The following COL5A2 variants were observed in gnomAD, a reference collection of about 807,000 sequenced individuals.
COL5A2 encodes collagen alpha-2(V) chain.
In COL5A2, 23 loss-of-function variants were observed where a neutral mutation model predicts 208.2. The observed-to-expected ratio is 0.11, with a 90% confidence interval of 0.08 to 0.16. The LOEUF (loss-of-function observed/expected upper bound fraction) is 0.16. Among genes scored for constraint, COL5A2 ranks in the 10% least tolerant of loss-of-function variants. The probability of loss-of-function intolerance (pLI) is 1.00; values close to 1 mark genes in which losing one functional copy is unlikely to be tolerated. For synonymous variants in COL5A2, 625 were observed against 628.5 expected (o/e 0.99, Z 0.08); for missense variants, 1,590 against 1,956.4 (o/e 0.81, Z 3.53).
Position 189,068,398 on chromosome 2 carries a change from A to G in COL5A2, c.1258-128T>C, listed in dbSNP as rs575280659. On this transcript the variant is annotated intron_variant, in intron 19 of 53. Transcript: ENST00000374866. ...CATTTTTTAAAAATCAACCACCATT[A>G]TATCATAAAAATTACTTTTTTGACT... 4.2e-5 allele frequency: 34 copies of G among 810,160 alleles called. No homozygotes were observed. The African/African-American group carries it at 4.7e-4, about 11-fold the overall frequency. 50.2% of individuals were successfully genotyped at this position (810,160 alleles called of 1,614,324 possible).
the COL5A2 span, among the ~76,000 whole-genome samples, chr2:189,344,928 T>C: frequency 6.6e-6 from 1 of 152,206 alleles, no homozygotes; most frequent in Admixed American, 6.5e-5. Context: ...GGAACCAAAA[T>C]GTGTTACTGA....
At chr2:189,216,022 T>C (rs1288263518) in intron 1 of COL5A2, among the ~76,000 whole-genome samples, 1 of 152,066 alleles carries the variant, frequency 6.6e-6, no homozygotes, top group Admixed American at 6.6e-5. Context: ...TCAGTATCAA[T>C]AAACTAAACA....
chr2:189,259,033 A>C, the COL5A2 span, among the ~76,000 whole-genome samples: 2 of 152,282 alleles, frequency 1.3e-5, no homozygotes, highest in East Asian at 3.9e-4. Context: ...GACATTTCCA[A>C]CCTTAATCTT....
In COL5A2 at chr2:189,199,778, C is replaced by T. The variant is rs28712861; in HGVS notation, c.-42+25370G>A. On this transcript the variant is annotated intron_variant, in intron 1 of 10. Coordinates refer to the COL5A2 transcript ENST00000649966. ...AACAAAATTTTCTACAGATAAAATACAATAAATGCCCAAAGGAAGCAACAT... is the reference window on the plus strand; with the variant it reads ...AACAAAATTTTCTACAGATAAAATATAATAAATGCCCAAAGGAAGCAACAT... Among the ~76,000 whole-genome samples, 481 of 152,294 alleles carry T rather than the reference C, an allele frequency of 3.2e-3. 2 individuals carry two copies. The highest frequency in any genetic ancestry group is 0.011 in the African/African-American group (453 of 41,572).
rs1687238293 is a variant in COL5A2, at chr2:189,110,415, A to G, written c.132T>C (p.Asn44=). The change falls in exon 2 of 54, where the codon AAT becomes AAC. Residue 44 remains asparagine (N), a synonymous_variant. Coordinates refer to ENST00000374866, the MANE Select transcript of COL5A2 (RefSeq NM_000393.5). ...GYGEEIACTQ[N]GQMYLNRDIW... ...TGTCCCTGTTTAAGTACATCTGGCC[A>G]TTCTGAGTGCAGGCTATTTCTTCAC... is the stretch of plus-strand genomic sequence containing the variant. The G allele has an allele frequency of 1.7e-5, 27 of 1,614,148 alleles. No homozygotes were observed. Among genetic ancestry groups the G allele is most frequent in the Non-Finnish European group, 2.3e-5 (27 of 1,179,974 alleles).
At chr2:189,235,650 A>AT in the COL5A2 span, among the ~76,000 whole-genome samples, 3 of 151,776 alleles carry the variant, frequency 2.0e-5, no homozygotes, top group Non-Finnish European at 4.4e-5. Context: ...TATAATTCCC[A>AT]TTTTTTGTAA....
intron 1 of COL5A2, among the ~76,000 whole-genome samples, chr2:189,120,058 A>C (rs969021575): frequency 2.0e-5 from 3 of 152,170 alleles, no homozygotes; most frequent in Non-Finnish European, 2.9e-5. Context: ...AAAGGAATAG[A>C]GGCATTAGTT....
chr2:189,381,898 T>C, the COL5A2 span, among the ~76,000 whole-genome samples: 1 of 152,082 alleles, frequency 6.6e-6, no homozygotes, highest in African/African-American at 2.4e-5. Context: ...TTAGTAAAAG[T>C]TATTTGAAAA....
At chr2:189,151,490 G>A (rs1009996562) in intron 1 of COL5A2, among the ~76,000 whole-genome samples, 1 of 152,146 alleles carries the variant, frequency 6.6e-6, no homozygotes, top group Non-Finnish European at 1.5e-5. Flanking sequence ...AAACATACAT[G>A]ACGGTAAATG....
At chr2:189,075,816 A>G (rs1686391871) in intron 16 of COL5A2, among the ~76,000 whole-genome samples, 1 of 152,204 alleles carries the variant, frequency 6.6e-6, no homozygotes. Context: ...AATACACAAG[A>G]GAGATAAATT....
chr2:189,326,096 C>CAAAAAAAAAA, the COL5A2 span, among the ~76,000 whole-genome samples: 2 of 96,850 alleles, frequency 2.1e-5, no homozygotes, highest in Non-Finnish European at 2.2e-5. Flanking sequence ...GACCCTGTCT[C>CAAAAAAAAAA]AAAAAAAAAA....
rs368163504 is a variant in COL5A2, at chr2:189,049,506, A to C, written c.3040-52T>G. 8.3e-5 allele frequency: 119 copies of C among 1,429,374 alleles called. No individual in the cohort carries two copies. In the African/African-American group the frequency reaches 1.2e-3, roughly 15 times the overall value. The allele number at this position is 1,429,374 out of a possible 1,614,324, so 88.5% of individuals were successfully genotyped here. On this transcript the variant is annotated intron_variant, in intron 43 of 53. Coordinates refer to ENST00000374866, the MANE Select transcript of COL5A2 (RefSeq NM_000393.5). ...ACTTGTGAAGAAATTGAAGAACGCT[A>C]GTTCCCATAAAGGCTAAGTTTTCAA...
At position 189,052,179 on chromosome 2, in the gene COL5A2, C is replaced by G. The variant is rs150206569; in HGVS notation, c.2762G>C (p.Gly921Ala). ...CTCACTAAGTTGACTTACAGCAGGG[C>G]CTGGAGGTCCAACTCTGCCCGCAGA... ...PGSAGRVGPP[G>A]PAGAPGPAGP... is the part of the protein sequence containing the mutation. Residue 921 changes from glycine (G) to alanine (A), a missense_variant, in exon 41 of 54, where the codon GGC becomes GCC. By Grantham distance (60) the Gly-to-Ala change is moderately conservative. Transcript: ENST00000374866. 1 of 1,613,704 alleles carries G rather than the reference C, an allele frequency of 6.2e-7. No individual in the cohort carries two copies. Among genetic ancestry groups the G allele is most frequent in the Non-Finnish European group, 8.5e-7 (1 of 1,179,764 alleles).
intron 51 of COL5A2, 116 bp from the exon 52 acceptor site, chr2:189,036,919 T>A: frequency 1.2e-6 from 1 of 846,984 alleles, no homozygotes; most frequent in Admixed American, 2.2e-5. Context: ...AGGATTCTTT[T>A]AAGTGAGAGT....
chr2:189,097,438 A>G (rs1686942594), intron 5 of COL5A2, 108 bp from the exon 6 acceptor site: 1 of 1,122,914 alleles, frequency 8.9e-7, no homozygotes, highest in East Asian at 2.5e-5. Context: ...ACCACACTTA[A>G]TTCAGTTCAG....
chr2:189,422,567 T>A, the COL5A2 span, among the ~76,000 whole-genome samples: 1 of 152,210 alleles, frequency 6.6e-6, no homozygotes, highest in Non-Finnish European at 1.5e-5. Flanking sequence ...AATGGACATA[T>A]GCAGAACACA....
At chr2:189,197,489 G>A (rs1026044959) in intron 1 of COL5A2, among the ~76,000 whole-genome samples, 2 of 151,884 alleles carry the variant, frequency 1.3e-5, no homozygotes, top group Non-Finnish European at 2.9e-5. Flanking sequence ...ATCAATAAGG[G>A]AAGGTGCAAA....
intron 1 of COL5A2, among the ~76,000 whole-genome samples, chr2:189,177,408 T>G (rs1358343755): frequency 1.3e-5 from 2 of 152,158 alleles, no homozygotes; most frequent in Admixed American, 1.3e-4. Context: ...AATATCAACT[T>G]AAACCAAAAT....
intron 2 of COL5A2, among the ~76,000 whole-genome samples, chr2:189,107,019 A>G (rs1307578834): frequency 1.3e-5 from 2 of 151,496 alleles, no homozygotes; most frequent in African/African-American, 4.8e-5. Context: ...AGATCAGTTC[A>G]TAGTTTTTTG....
Sources: allele counts gnomAD v4.1 joint callset (sites outside exome capture counted in the v4.1 genomes callset), GRCh38; gene constraint gnomAD v4.1.1; transcripts MANE v1.5; gene names NCBI Gene and HGNC (gene_info 2026-07-23, HGNC 2026-07-21).